The following OSMR variants were observed in gnomAD, a reference collection of about 807,000 sequenced individuals.
OSMR encodes oncostatin-M-specific receptor subunit beta.
Under a neutral mutation model 99.9 loss-of-function variants are expected in OSMR, and 81 were observed. The ratio of observed to expected loss-of-function variants is 0.81; its 90% CI spans 0.68 to 0.97. The LOEUF is 0.97. Among genes scored for constraint, OSMR ranks in the 50% least tolerant of loss-of-function variants. The pLI is 0.00. For synonymous variants in OSMR, 406 were observed against 410.4 expected, an observed-to-expected ratio of 0.99 and a Z score of 0.13; for missense variants, 1,099 against 1,153.4, an observed-to-expected ratio of 0.95 and a Z score of 0.68.
chr5:38,900,446 G>C (rs1257003740), intron 7 of OSMR, among the ~76,000 whole-genome samples: 2 of 152,048 alleles, frequency 1.3e-5, no homozygotes, highest in African/African-American at 4.8e-5. Flanking sequence ...TTGTTAATCT[G>C]GTGATCCTGC....
rs914341041 is a variant in OSMR, at chr5:38,931,696, G to A, written c.2213-187G>A. ...CGGTGTTGATGGCAAATGGCTTCCT[G>A]TGTTGGTTGGCTAGTTGGTTGGTTG... On this transcript the variant is annotated intron_variant, in intron 15 of 17. Coordinates refer to ENST00000274276, the MANE Select transcript of OSMR (RefSeq NM_003999.3). 6 of 799,048 alleles carry A rather than the reference G, an allele frequency of 7.5e-6. No homozygotes were observed. In the African/African-American group the frequency reaches 1.1e-4, roughly 15 times the overall value. 49.5% of individuals were successfully genotyped at this position (799,048 alleles called of 1,614,324 possible).
chr5:38,929,931 G>A (rs945547591), intron 15 of OSMR, among the ~76,000 whole-genome samples: 2 of 152,128 alleles, frequency 1.3e-5, no homozygotes, highest in African/African-American at 4.8e-5. Context: ...CCTTATCTTA[G>A]CCTCTCCTGG....
chr5:38,937,622 TATC>T (rs1343741900), downstream of OSMR, among the ~76,000 whole-genome samples: 4 of 152,206 alleles, frequency 2.6e-5, no homozygotes, highest in African/African-American at 9.6e-5. This position sits in a 1 kb window ranked among gnomAD's most constrained non-coding sequence, Gnocchi z 4.0. Context: ...ACCACTGTCA[TATC>T]ATCATCACTC....
chr5:38,917,651 T>C, intron 10 of OSMR, 29 bp downstream of exon 10: 1 of 1,576,378 alleles, frequency 6.3e-7, no homozygotes, highest in African/African-American at 1.3e-5. Flanking sequence ...AAAAGTCTGA[T>C]TGTTTCCAAA....
At chr5:38,924,985 C>T (rs888440955) in intron 14 of OSMR, 2 of 564,218 alleles carry the variant, frequency 3.5e-6, no homozygotes, top group African/African-American at 4.1e-5. Context: ...ACTAGTACCC[C>T]TTGTTCAGTG....
At chr5:38,900,880 C>T (rs531755853) in intron 7 of OSMR, among the ~76,000 whole-genome samples, 6 of 152,292 alleles carry the variant, frequency 3.9e-5, no homozygotes, top group African/African-American at 1.4e-4. Context: ...GTGACCTTAC[C>T]TGGCTCCATT....
At chr5:38,892,276 C>T (rs1265917453) in intron 7 of OSMR, among the ~76,000 whole-genome samples, 1 of 152,080 alleles carries the variant, frequency 6.6e-6, no homozygotes, top group Non-Finnish European at 1.5e-5. Flanking sequence ...CTTCTGAAAA[C>T]CCAGCCCCCA....
intron 2 of OSMR, among the ~76,000 whole-genome samples, chr5:38,871,762 A>AT (rs1040468761): frequency 2.0e-5 from 3 of 152,162 alleles, no homozygotes; most frequent in Admixed American, 6.5e-5. Context: ...TATGCTCAGG[A>AT]TTTTTTTATT....
intron 2 of OSMR, among the ~76,000 whole-genome samples, chr5:38,872,782 AT>A (rs775249646): frequency 5.7e-4 from 87 of 152,184 alleles, no homozygotes; most frequent in African/African-American, 8.0e-4. Flanking sequence ...TTTAAAAAAA[AT>A]GTCCTTTAAA....
intron 7 of OSMR, among the ~76,000 whole-genome samples, chr5:38,899,152 G>T (rs1466501218): frequency 6.6e-6 from 1 of 151,968 alleles, no homozygotes; most frequent in African/African-American, 2.4e-5. Flanking sequence ...TAGAGACAGG[G>T]TTTCACCATG....
intron 5 of OSMR, 42 bp from the exon 6 acceptor site, chr5:38,885,297 TTATCTTCCAA>T (rs1743625231): frequency 3.7e-6 from 6 of 1,611,468 alleles, no homozygotes; most frequent in Non-Finnish European, 5.1e-6. Context: ...TCCATTTGGC[TTATCTTCCAA>T]TAAAAAGATT....
intron 1 of OSMR, among the ~76,000 whole-genome samples, chr5:38,854,661 G>A (rs1173910905): frequency 6.6e-6 from 1 of 152,150 alleles, no homozygotes; most frequent in Non-Finnish European, 1.5e-5. Flanking sequence ...GAGAATGTGA[G>A]AAAATTAGTA....
At chr5:38,943,073 G>A in intron 1 of OSMR, 4 of 719,202 alleles carry the variant, frequency 5.6e-6, no homozygotes, top group South Asian at 3.9e-5. Flanking sequence ...CTACAGATAT[G>A]GATTAGATGG....
chr5:38,859,436 C>G (rs1271919725), intron 1 of OSMR, among the ~76,000 whole-genome samples: 1 of 152,104 alleles, frequency 6.6e-6, no homozygotes, highest in Non-Finnish European at 1.5e-5. Context: ...TCTGGGTTCT[C>G]TAATCTCATA....
At position 38,856,785 on chromosome 5, in the gene OSMR, G is replaced by A. The variant is rs201846294; in HGVS notation, c.-14+10398G>A. On this transcript the variant is annotated intron_variant, in intron 1 of 17. Transcript: ENST00000274276. Reference sequence around the variant, plus strand: ...GCCTCCCTTGAAACTGGGACTAGGGGCACGTGCCACCATGCCCAGGTAATC... The same window carrying A: ...GCCTCCCTTGAAACTGGGACTAGGGACACGTGCCACCATGCCCAGGTAATC... Among the ~76,000 whole-genome samples the A allele has an allele frequency of 9.2e-5, 14 of 152,290 alleles. No homozygotes were observed. The East Asian group carries it at 2.7e-3, about 29-fold the overall frequency.
downstream of OSMR, chr5:38,938,857 A>C (rs1011456766): frequency 4.3e-6 from 1 of 232,996 alleles, no homozygotes; most frequent in African/African-American, 2.2e-5. Flanking sequence ...ATTTTGGAAA[A>C]TCTGAAATGT....
At chr5:38,857,930 A>C (rs1011429758) in intron 1 of OSMR, among the ~76,000 whole-genome samples, 1 of 152,030 alleles carries the variant, frequency 6.6e-6, no homozygotes, top group Non-Finnish European at 1.5e-5. Flanking sequence ...AGCCTCCCAA[A>C]ATGCTGGGAT....
At chr5:38,853,066 T>C (rs1740552098) in intron 1 of OSMR, among the ~76,000 whole-genome samples, 1 of 152,210 alleles carries the variant, frequency 6.6e-6, no homozygotes, top group Non-Finnish European at 1.5e-5. Context: ...AATGTTTCAA[T>C]GTTTGTTAAT....
At chr5:38,942,453 T>A in intron 1 of OSMR, 3 of 251,134 alleles carry the variant, frequency 1.2e-5, no homozygotes, top group South Asian at 9.9e-5. Context: ...AAATATCTAA[T>A]TTTTTTTTTT....
Sources: allele counts gnomAD v4.1 joint callset (sites outside exome capture counted in the v4.1 genomes callset), GRCh38; gene constraint gnomAD v4.1.1; non-coding constraint Gnocchi (gnomAD v3.1); transcripts MANE v1.5; gene names NCBI Gene and HGNC (gene_info 2026-07-23, HGNC 2026-07-21).